Variants in AGAP3 observed in about 807,000 individuals in gnomAD.
AGAP3 encodes arf-GAP with GTPase, ANK repeat and PH domain-containing protein 3.
In AGAP3, 24 loss-of-function variants were observed where a neutral mutation model predicts 96.9. That is an observed-to-expected ratio of 0.25 (90% CI 0.18 to 0.35). The LOEUF (loss-of-function observed/expected upper bound fraction) is 0.35, where lower values mean the gene tolerates loss of function less well. AGAP3 is among the 10% of genes least tolerant of loss of function. The probability of loss-of-function intolerance (pLI) is 1.00; values close to 1 mark genes in which losing one functional copy is unlikely to be tolerated. For missense variants in AGAP3, 876 were observed against 1,254.2 expected, an observed-to-expected ratio of 0.70 and a Z score of 4.55; for synonymous variants, 563 against 536.1, an observed-to-expected ratio of 1.05 and a Z score of -0.69.
At position 151,143,142 on chromosome 7, in the gene AGAP3, C is replaced by G. The variant is rs190096408; in HGVS notation, c.2274-199C>G. ...CCTTCCTTTCAGCTTCTCCCACCCC[C>G]CTTTCCATTACCCACTGCCCCTCTG... On this transcript the variant is annotated intron_variant, in intron 16 of 17. Coordinates refer to ENST00000397238, the MANE Select transcript of AGAP3 (RefSeq NM_031946.7). This position sits in a 1 kb window ranked among gnomAD's most constrained non-coding sequence, Gnocchi z 5.9. Among the ~76,000 whole-genome samples, 2 of 152,372 alleles carry G rather than the reference C, an allele frequency of 1.3e-5. No homozygotes were observed. The highest frequency in any genetic ancestry group is 1.9e-4 in the East Asian group (1 of 5,190).
In AGAP3 at chr7:151,144,050, TGA is replaced by T. The variant is rs1178705041; in HGVS notation, c.*111_*112del. ...CAGAGATGGAGAAGCAGGGACATGC[TGA>T]GAGGACGAAGCCAAGGAAATTAGGG... is the stretch of plus-strand genomic sequence containing the variant. On this transcript the variant is annotated 3_prime_UTR_variant, in exon 18 of 18. Coordinates refer to ENST00000397238, the MANE Select transcript of AGAP3 (RefSeq NM_031946.7). 1.5e-5 allele frequency: 18 copies of T among 1,239,460 alleles called. No homozygotes were observed. Among genetic ancestry groups the T allele is most frequent in the Non-Finnish European group, 1.8e-5 (16 of 890,422 alleles). 76.8% of individuals were successfully genotyped at this position (1,239,460 alleles called of 1,614,324 possible).
rs1171795706 is a variant in AGAP3 at position 151,118,778 on chromosome 7, T to C, written c.969+146T>C. ...CTTGCATGTTGCTTGGAAACATTGG[T>C]TGGAATTCCATTTAGCCGGCACCGT... On this transcript the variant is annotated intron_variant, in intron 7 of 17. Coordinates refer to ENST00000397238, the MANE Select transcript of AGAP3 (RefSeq NM_031946.7). The surrounding 1 kb of genome is among the most constrained non-coding windows in gnomAD (Gnocchi z 6.1). The C allele has an allele frequency of 1.9e-5, 23 of 1,233,634 alleles. No individual in the cohort carries two copies. In the East Asian group the frequency reaches 4.5e-4, roughly 24 times the overall value. The allele number at this position is 1,233,634 out of a possible 1,614,324, so 76.4% of individuals were successfully genotyped here.
rs1315090656 is a variant in AGAP3 at position 151,096,323 on chromosome 7, G to T, written c.331+9251G>T. Reference sequence around the variant, plus strand: ...TGGTTTAGCTCATCCAGGCCCAGGGGAAGGGACCTGAGGGGGCAGGGCTGT... The same window carrying T: ...TGGTTTAGCTCATCCAGGCCCAGGGTAAGGGACCTGAGGGGGCAGGGCTGT... On this transcript the variant is annotated intron_variant, in intron 1 of 17. Coordinates refer to ENST00000397238, the MANE Select transcript of AGAP3 (RefSeq NM_031946.7). The surrounding 1 kb of genome is among the most constrained non-coding windows in gnomAD (Gnocchi z 4.4). Among the ~76,000 whole-genome samples the T allele has an allele frequency of 6.6e-6, 1 of 152,208 alleles. No homozygotes were observed. The highest frequency in any genetic ancestry group is 1.9e-4 in the East Asian group (1 of 5,192).
Position 151,138,290 on chromosome 7 carries a change from T to G in AGAP3, c.1643T>G (p.Leu548Arg). ...ADQWSEATTS[L>R]PPGMQHPASG... ...CAGTGGAGTGAGGCCACCACTTCCC[T>G]GCCCCCAGGCATGCAGCACCCTGGT... Residue 548 changes from leucine to arginine, a missense_variant, in exon 12 of 18, where the codon CTG (leucine) becomes CGG (arginine). Transcript: ENST00000397238. 6.2e-7 allele frequency: 1 copy of G among 1,612,382 alleles called. No individual in the cohort carries two copies. The highest frequency in any genetic ancestry group is 8.5e-7 in the Non-Finnish European group (1 of 1,179,518).
chr7:151,123,440 G>C, intron 8 of AGAP3: 2 of 1,128,266 alleles, frequency 1.8e-6, no homozygotes, highest in African/African-American at 1.6e-5. Flanking sequence ...TTGCGCTCCC[G>C]GTTGTCGCGC....
chr7:151,095,223 A>G (rs915038751), intron 1 of AGAP3, among the ~76,000 whole-genome samples: 3 of 152,202 alleles, frequency 2.0e-5, no homozygotes, highest in Non-Finnish European at 4.4e-5. Flanking sequence ...GTTTGCTGCA[A>G]GTCAGGCACT....
chr7:151,125,294 C>T (rs1219187222), intron 9 of AGAP3, among the ~76,000 whole-genome samples: 4 of 152,214 alleles, frequency 2.6e-5, no homozygotes, highest in African/African-American at 7.2e-5. Context: ...GCTCCCTTTC[C>T]TCACTGGTCG....
chr7:151,087,279 T>A (rs1301166165), intron 1 of AGAP3: 5 of 608,426 alleles, frequency 8.2e-6, no homozygotes, highest in Non-Finnish European at 1.5e-5. Flanking sequence ...GGGTTGGGGG[T>A]TTTCTGCTGA....
At chr7:151,136,985 C>T (rs1005471380) in intron 11 of AGAP3, among the ~76,000 whole-genome samples, 3 of 152,328 alleles carry the variant, frequency 2.0e-5, no homozygotes, top group Middle Eastern at 3.4e-3. Flanking sequence ...CTGTGCTGCA[C>T]GTATGTGACT....
At chr7:151,124,965 C>CT (rs1185134803) in intron 9 of AGAP3, among the ~76,000 whole-genome samples, 1 of 152,252 alleles carries the variant, frequency 6.6e-6, no homozygotes, top group Non-Finnish European at 1.5e-5. Flanking sequence ...GGCCAGACTA[C>CT]TGGAGGGCCC....
chr7:151,104,778 C>T (rs1393453063), intron 1 of AGAP3, among the ~76,000 whole-genome samples: 2 of 152,236 alleles, frequency 1.3e-5, no homozygotes, highest in East Asian at 1.9e-4. Flanking sequence ...ACACCATAGG[C>T]ACACAGGTAT....
At chr7:151,109,031 C>T (rs751055788) in intron 1 of AGAP3, among the ~76,000 whole-genome samples, 5 of 152,038 alleles carry the variant, frequency 3.3e-5, no homozygotes, top group African/African-American at 4.8e-5. Context: ...TTTGAAACAA[C>T]CTAAGTCTGT....
chr7:151,117,582 A>G, intron 4 of AGAP3, 54 bp from the exon 5 acceptor site: 1 of 1,612,282 alleles, frequency 6.2e-7, no homozygotes, highest in South Asian at 1.1e-5. Flanking sequence ...CCTGCCCTGC[A>G]TGGGAGTTTG....
intron 9 of AGAP3, among the ~76,000 whole-genome samples, chr7:151,124,095 C>G (rs1327937823): frequency 6.6e-6 from 1 of 152,216 alleles, no homozygotes; most frequent in Non-Finnish European, 1.5e-5. Flanking sequence ...CGAGCTCTGC[C>G]TGTACCTTCT....
At chr7:151,119,740 C>T (rs1446223965) in intron 7 of AGAP3, among the ~76,000 whole-genome samples, 2 of 152,210 alleles carry the variant, frequency 1.3e-5, no homozygotes, top group African/African-American at 2.4e-5. Context: ...GCCAGAAGCA[C>T]TCCTGCCGGG....
intron 9 of AGAP3, among the ~76,000 whole-genome samples, chr7:151,125,616 C>T (rs1044881022): frequency 6.6e-5 from 10 of 151,892 alleles, no homozygotes; most frequent in Admixed American, 6.5e-4. Context: ...GGGGCGCGTC[C>T]GTTCTCTTCT....
chr7:151,120,200 GAGCGCCGAGCTCCCAGCCA>G (rs1799810428), intron 8 of AGAP3, 55 bp downstream of exon 8: 3 of 1,527,912 alleles, frequency 2.0e-6, no homozygotes, highest in Non-Finnish European at 2.7e-6. Flanking sequence ...AGGCAGGGCT[GAGCGCCGAGCTCCCAGCCA>G]GGAGGGGCGT....
chr7:151,099,524 G>A (rs1019458675), intron 1 of AGAP3, among the ~76,000 whole-genome samples: 1 of 152,224 alleles, frequency 6.6e-6, no homozygotes, highest in Non-Finnish European at 1.5e-5. Context: ...TACAACTGTT[G>A]TTGTGTGTGG....
chr7:151,129,696 C>T (rs998820598), intron 10 of AGAP3, among the ~76,000 whole-genome samples: 7 of 152,106 alleles, frequency 4.6e-5, no homozygotes, highest in Non-Finnish European at 8.8e-5. Context: ...GCCCGACCCC[C>T]CCACCTCCCC....
Sources: gnomAD v4.1 joint callset for allele counts (sites outside exome capture counted in the v4.1 genomes callset) on GRCh38, gnomAD v4.1.1 for gene constraint, Gnocchi (gnomAD v3.1) non-coding constraint, MANE v1.5 for transcripts, NCBI Gene and HGNC (gene_info 2026-07-23, HGNC 2026-07-21) for gene names.